Variants in NR3C2 observed in about 807,000 individuals in gnomAD.
NR3C2 encodes mineralocorticoid receptor.
NR3C2 carries 15 observed loss-of-function variants against 86.4 expected under a neutral mutation model. That is an observed-to-expected ratio of 0.17 (90% CI 0.12 to 0.27). The LOEUF (loss-of-function observed/expected upper bound fraction) is 0.27. Among genes scored for constraint, NR3C2 ranks in the 10% least tolerant of loss-of-function variants. The pLI, the probability that NR3C2 is intolerant of heterozygous loss-of-function variation, is 1.00. For synonymous variants in NR3C2, 458 were observed against 450.5 expected, an observed-to-expected ratio of 1.02 and a Z score of -0.21; for missense variants, 960 against 1,195.6, an observed-to-expected ratio of 0.80 and a Z score of 2.91.
intron 2 of NR3C2, among the ~76,000 whole-genome samples, chr4:148,408,769 T>C (rs939539738): frequency 1.3e-5 from 2 of 152,178 alleles, no homozygotes; most frequent in Non-Finnish European, 2.9e-5. Flanking sequence ...GAGAAATATT[T>C]AGTGTATTTC....
chr4:148,202,620 T>C (rs1180520902), intron 3 of NR3C2, among the ~76,000 whole-genome samples: 1 of 152,260 alleles, frequency 6.6e-6, no homozygotes, highest in Non-Finnish European at 1.5e-5. Context: ...TATAACTCAA[T>C]TTGTTCAGAA....
At chr4:148,235,068 T>G (rs1475855962) in intron 3 of NR3C2, among the ~76,000 whole-genome samples, 1 of 152,126 alleles carries the variant, frequency 6.6e-6, no homozygotes, top group Non-Finnish European at 1.5e-5. Flanking sequence ...TGACAACTCC[T>G]GGTTACAGGA....
At chr4:148,219,943 G>A (rs1737748190) in intron 3 of NR3C2, among the ~76,000 whole-genome samples, 1 of 152,006 alleles carries the variant, frequency 6.6e-6, no homozygotes. Flanking sequence ...CTTTGTTTGA[G>A]ACAGAGTCTC....
intron 2 of NR3C2, among the ~76,000 whole-genome samples, chr4:148,298,650 C>T (rs1202451124): frequency 1.3e-5 from 2 of 152,176 alleles, no homozygotes; most frequent in Non-Finnish European, 2.9e-5. Context: ...CAAAAGAGTG[C>T]TTTCTGCAGA....
intron 4 of NR3C2, 120 bp from the exon 5 acceptor site, chr4:148,155,021 C>T (rs1420451145): frequency 1.4e-5 from 11 of 800,062 alleles, no homozygotes; most frequent in Non-Finnish European, 1.9e-5. Context: ...GGAACATGAC[C>T]GTTTATTCCA....
rs1302626415 is a variant in NR3C2 at position 148,149,026 on chromosome 4, T to A, written c.2510+3443A>T. On this transcript the variant is annotated intron_variant, in intron 6 of 8. Transcript: ENST00000358102. ...GGTACCCAGTGATGGAGCTACCACATCAAGCTCTCTTTTTGATGCAATTTG... is the reference window on the plus strand; with the variant it reads ...GGTACCCAGTGATGGAGCTACCACAACAAGCTCTCTTTTTGATGCAATTTG... Among the ~76,000 whole-genome samples, 4 of 152,336 alleles carry A rather than the reference T, an allele frequency of 2.6e-5. No individual in the cohort carries two copies. The East Asian group carries it at 7.7e-4, about 29-fold the overall frequency.
At chr4:148,095,489 C>G (rs1316351235) in intron 8 of NR3C2, among the ~76,000 whole-genome samples, 1 of 152,222 alleles carries the variant, frequency 6.6e-6, no homozygotes, top group African/African-American at 2.4e-5. Flanking sequence ...GCTGAGTGTT[C>G]CTGGCAGGCT....
intron 6 of NR3C2, among the ~76,000 whole-genome samples, chr4:148,132,001 A>T (rs1012972544): frequency 2.6e-5 from 4 of 152,160 alleles, no homozygotes; most frequent in Non-Finnish European, 2.9e-5. Flanking sequence ...TCTGGAAAAA[A>T]TTTTTTTAAA....
chr4:148,226,279 C>G (rs528048452), intron 3 of NR3C2, among the ~76,000 whole-genome samples: 1 of 152,252 alleles, frequency 6.6e-6, no homozygotes, highest in South Asian at 2.1e-4. Flanking sequence ...TCCAGCCAAT[C>G]CCCGCCCACC....
chr4:148,401,648 G>C (rs1748173019), intron 2 of NR3C2, among the ~76,000 whole-genome samples: 1 of 151,914 alleles, frequency 6.6e-6, no homozygotes, highest in Non-Finnish European at 1.5e-5. Flanking sequence ...ATTTTTAGTA[G>C]AGACGGGATT....
At chr4:148,191,591 G>C (rs1020774387) in intron 4 of NR3C2, among the ~76,000 whole-genome samples, 1 of 152,186 alleles carries the variant, frequency 6.6e-6, no homozygotes, top group Non-Finnish European at 1.5e-5. Context: ...CAGGCTTTTA[G>C]AATTCTCTTC....
At chr4:148,284,681 T>C (rs540378978) in intron 2 of NR3C2, among the ~76,000 whole-genome samples, 4 of 152,298 alleles carry the variant, frequency 2.6e-5, no homozygotes, top group Admixed American at 2.0e-4. Flanking sequence ...CCAAGCTTTA[T>C]GTTACACTGA....
chr4:148,373,739 A>G (rs866737892), intron 2 of NR3C2, among the ~76,000 whole-genome samples: 20 of 152,010 alleles, frequency 1.3e-4, no homozygotes, highest in African/African-American at 4.6e-4. Flanking sequence ...GCCTCCCACA[A>G]AGTGTTGGGA....
chr4:148,154,789 C>A lies in NR3C2; in HGVS notation c.2127G>T (p.Thr709=). The part of the protein sequence containing the change: ...PPPQSPEEGT[T]YIAPAKEPSV... ...AGGGTTCTTTTGCAGGAGCGATGTACGTTGTCCCTTCCTCTGGGCTTTGCG... is the reference window on the plus strand; with the variant it reads ...AGGGTTCTTTTGCAGGAGCGATGTAAGTTGTCCCTTCCTCTGGGCTTTGCG... Residue 709 remains threonine, a synonymous_variant, in exon 5 of 9, where the codon ACG becomes ACT. Coordinates refer to ENST00000358102, the MANE Select transcript of NR3C2 (RefSeq NM_000901.5). 2 of 1,297,762 alleles carry A rather than the reference C, an allele frequency of 1.5e-6. No homozygotes were observed. The highest frequency in any genetic ancestry group is 2.3e-5 in the South Asian group (2 of 86,286). 80.4% of individuals were successfully genotyped at this position (1,297,762 alleles called of 1,614,324 possible).
intron 8 of NR3C2, among the ~76,000 whole-genome samples, chr4:148,089,656 T>A (rs1730974529): frequency 6.6e-6 from 1 of 152,062 alleles, no homozygotes. Context: ...GGGAGAACCT[T>A]TTTTTTTGCC....
chr4:148,273,504 G>A (rs938597696), intron 2 of NR3C2, among the ~76,000 whole-genome samples: 1 of 152,062 alleles, frequency 6.6e-6, no homozygotes, highest in Non-Finnish European at 1.5e-5. Flanking sequence ...AATGTTAAGG[G>A]ATCAGATGGC....
intron 3 of NR3C2, among the ~76,000 whole-genome samples, chr4:148,207,136 TG>T (rs1311877344): frequency 2.0e-5 from 3 of 152,146 alleles, no homozygotes; most frequent in Non-Finnish European, 4.4e-5. Flanking sequence ...TTGCCCAGGC[TG>T]GTCTCCAACT....
intron 6 of NR3C2, among the ~76,000 whole-genome samples, chr4:148,130,424 C>G (rs772713110): frequency 6.6e-6 from 1 of 152,102 alleles, no homozygotes; most frequent in Non-Finnish European, 1.5e-5. Flanking sequence ...AACTAAATAC[C>G]TTTTAGGTAT....
chr4:148,436,294 CTCATGACACATGATAGGGCTTTTA>C lies in NR3C2; in HGVS notation c.543_566del (p.Ile185_Pro192del), dbSNP rs757060948. On this transcript the variant is annotated inframe_deletion, in exon 2 of 9. Coordinates refer to ENST00000358102, the MANE Select transcript of NR3C2 (RefSeq NM_000901.5). ...GAGGGCTGCAAACAGACGGGCTTTT[CTCATGACACATGATAGGGCTTTTA>C]ACAACGGCGCGCATGACGCCACCAT... 1.2e-6 allele frequency: 2 copies of C among 1,614,056 alleles called. No individual in the cohort carries two copies. The highest frequency in any genetic ancestry group is 2.7e-5 in the African/African-American group (2 of 74,926).
Sources: gnomAD v4.1 joint callset for allele counts (sites outside exome capture counted in the v4.1 genomes callset) on GRCh38, gnomAD v4.1.1 for gene constraint, MANE v1.5 for transcripts, NCBI Gene and HGNC (gene_info 2026-07-23, HGNC 2026-07-21) for gene names.